Variants in RUFY4 observed in about 807,000 individuals in gnomAD.
The protein encoded by RUFY4 is RUN and FYVE domain-containing protein 4.
A neutral mutation model predicts 69.0 loss-of-function variants in RUFY4; 73 were observed. That is an observed-to-expected ratio of 1.06 (90% confidence interval 0.88 to 1.29). The LOEUF is 1.29. RUFY4 is among the 50% of genes most tolerant of loss of function. The pLI, the probability that RUFY4 is intolerant of heterozygous loss-of-function variation, is 0.00. For synonymous variants in RUFY4, 287 were observed against 271.8 expected (o/e 1.06, Z -0.55); for missense variants, 770 against 705.6 (o/e 1.09, Z -1.03).
chr2:218,076,366 C>T (rs1361314668), intron 7 of RUFY4, 61 bp from the exon 10 acceptor site: 18 of 1,532,326 alleles, frequency 1.2e-5, no homozygotes, highest in Non-Finnish European at 1.3e-5. Flanking sequence ...CAGGTCAGCC[C>T]CAGCACTGGG....
chr2:218,069,732 C>T (rs56016306), upstream of RUFY4, among the ~76,000 whole-genome samples: 57 of 152,236 alleles, frequency 3.7e-4, no homozygotes, highest in Middle Eastern at 0.017. Context: ...TGTACCACTG[C>T]CACCCCACCC....
chr2:218,077,592 G>C (rs1689665035), intron 8 of RUFY4, among the ~76,000 whole-genome samples: 1 of 152,068 alleles, frequency 6.6e-6, no homozygotes, highest in South Asian at 2.1e-4. Context: ...GTGGTCTCCG[G>C]GTACGTCAGT....
chr2:218,070,229 T>C (rs1007592670), upstream of RUFY4: 1 of 292,982 alleles, frequency 3.4e-6, no homozygotes, highest in Non-Finnish European at 6.7e-6. Flanking sequence ...GTTCAAGTCC[T>C]GGGTACCTCT....
At chr2:218,042,940 A>G (rs1688734581) in intron 2 of RUFY4, among the ~76,000 whole-genome samples, 1 of 152,188 alleles carries the variant, frequency 6.6e-6, no homozygotes, top group Non-Finnish European at 1.5e-5. Context: ...TACAAAATAA[A>G]TCTAGTTTTG....
At chr2:218,052,255 G>A (rs1391439898) in intron 2 of RUFY4, among the ~76,000 whole-genome samples, 1 of 152,130 alleles carries the variant, frequency 6.6e-6, no homozygotes, top group African/African-American at 2.4e-5. Flanking sequence ...TGTCTTAAAG[G>A]CCTAGGAGGA....
chr2:218,076,306 T>C (rs762909387), intron 7 of RUFY4, 121 bp from the exon 10 acceptor site: 13 of 1,436,398 alleles, frequency 9.1e-6, no homozygotes, highest in Non-Finnish European at 1.2e-5. Context: ...CTCCCAGCAC[T>C]GTCCCCAGCC....
At chr2:218,086,627 T>A (rs778220786) in intron 9 of RUFY4, among the ~76,000 whole-genome samples, 2 of 152,104 alleles carry the variant, frequency 1.3e-5, no homozygotes, top group Non-Finnish European at 2.9e-5. Flanking sequence ...ATAGACAGAT[T>A]TCAGAAAATT....
chr2:218,057,344 T>G (rs1048215596), intron 2 of RUFY4, among the ~76,000 whole-genome samples: 1 of 152,246 alleles, frequency 6.6e-6, no homozygotes, highest in African/African-American at 2.4e-5. Context: ...TTATGTGACT[T>G]TGATACTTCC....
intron 2 of RUFY4, among the ~76,000 whole-genome samples, chr2:218,043,668 TCAG>T (rs1367683410): frequency 6.6e-6 from 1 of 152,156 alleles, no homozygotes; most frequent in East Asian, 1.9e-4. Flanking sequence ...GATTGGTCCA[TCAG>T]CAGCCACAGG....
chr2:218,072,618 G>A (rs1689515686), intron 3 of RUFY4, 119 bp downstream of exon 5: 1 of 1,422,196 alleles, frequency 7.0e-7, no homozygotes, highest in South Asian at 1.4e-5. Flanking sequence ...TGTCTCCTAA[G>A]CCCTGCCCAC....
chr2:218,072,995 C>A, intron 4 of RUFY4, 110 bp downstream of exon 6: 1 of 999,688 alleles, frequency 1.0e-6, no homozygotes, highest in Non-Finnish European at 1.4e-6. Flanking sequence ...AGGACAGTTA[C>A]AATGAGAGTC....
exon 6 of RUFY4, chr2:218,073,847 G>A (rs1689555358): frequency 6.2e-7 from 1 of 1,613,852 alleles, no homozygotes; most frequent in Admixed American, 1.7e-5. Context: ...CCAAACCCAG[G>A]GAAGGAGACC....
intron 2 of RUFY4, among the ~76,000 whole-genome samples, chr2:218,035,768 C>T (rs1958966532): frequency 6.6e-6 from 1 of 152,230 alleles, no homozygotes; most frequent in Non-Finnish European, 1.5e-5. Context: ...TAAAACCAGG[C>T]ACCCTGCTCC....
chr2:218,064,314 G>A (rs189484441), upstream of RUFY4, among the ~76,000 whole-genome samples: 584 of 151,870 alleles, frequency 3.8e-3, 9 homozygotes, highest in Admixed American at 2.2e-3. Context: ...CCCAGCTCTG[G>A]TGGTCAGCCA....
At chr2:218,070,043 A>C (rs1689446428), upstream of RUFY4, among the ~76,000 whole-genome samples, 1 of 152,176 alleles carries the variant, frequency 6.6e-6, no homozygotes, top group African/African-American at 2.4e-5. Flanking sequence ...CAGCTGGGGC[A>C]CAGGAAAGGA....
rs201137688 is a variant in RUFY4 at position 218,089,268 on chromosome 2, T to C, written c.1519T>C (p.Trp507Arg). 6.2e-6 allele frequency: 10 copies of C among 1,613,646 alleles called. No individual in the cohort carries two copies. The highest frequency in any genetic ancestry group is 1.3e-5 in the African/African-American group (1 of 74,896). Residue 507 changes from tryptophan to arginine, a missense_variant, in exon 10 of 11, where the codon TGG (tryptophan) becomes CGG (arginine). Transcript: ENST00000344321. ...CCCCATCAGAGAGAAGGACCGCCTGTGGCAGAGGCTCCAGCATCTCTCTTC... is the reference window on the plus strand; with the variant it reads ...CCCCATCAGAGAGAAGGACCGCCTGCGGCAGAGGCTCCAGCATCTCTCTTC...
intron 9 of RUFY4, among the ~76,000 whole-genome samples, chr2:218,083,836 C>T (rs1689827485): frequency 7.1e-6 from 1 of 141,552 alleles, no homozygotes. Context: ...CCCACCCAGA[C>T]CCACCCCCAC....
intron 2 of RUFY4, among the ~76,000 whole-genome samples, chr2:218,053,820 T>A (rs771663377): frequency 1.6e-4 from 24 of 152,156 alleles, no homozygotes; most frequent in Non-Finnish European, 3.1e-4. Context: ...TTTTTGTAAT[T>A]TTTTTGTGCA....
chr2:218,090,422 C>G (rs926825286), exon 11 of RUFY4: 1 of 234,624 alleles, frequency 4.3e-6, no homozygotes. Context: ...AGCAGCGGTG[C>G]CCACCTTTCC....
Sources: gnomAD v4.1 joint callset for allele counts (sites outside exome capture counted in the v4.1 genomes callset) on GRCh38, gnomAD v4.1.1 for gene constraint, MANE v1.5 for transcripts, NCBI Gene and HGNC (gene_info 2026-07-23, HGNC 2026-07-21) for gene names.